PBX1: variants seen among roughly 807,000 people sequenced by gnomAD.
PBX1 encodes pre-B-cell leukemia transcription factor 1.
PBX1 carries 6 observed loss-of-function variants against 53.4 expected under a neutral mutation model. The ratio of observed to expected loss-of-function variants is 0.11; its 90% CI spans 0.06 to 0.22. The LOEUF is 0.22. PBX1 is among the 10% of genes least tolerant of loss of function. The pLI is 1.00. For missense variants in PBX1, 251 were observed against 551.4 expected (o/e 0.46, Z 5.46); for synonymous variants, 204 against 212.3 (o/e 0.96, Z 0.34).
At chr1:164,687,507 C>T (rs1662178634) in intron 2 of PBX1, among the ~76,000 whole-genome samples, 1 of 134,870 alleles carries the variant, frequency 7.4e-6, no homozygotes, top group South Asian at 2.3e-4. Flanking sequence ...GAGGCTGTAG[C>T]AAGTCATGAT....
rs376142084 is a variant in PBX1, at chr1:164,687,983, T to C, written c.266-104511T>C. Reference sequence around the variant, plus strand: ...ACCTATTTGAGACTCTGTTATGATATGCCCAAGATACCACACATGCCCTAG... The same window carrying C: ...ACCTATTTGAGACTCTGTTATGATACGCCCAAGATACCACACATGCCCTAG... On this transcript the variant is annotated intron_variant, in intron 2 of 8. Coordinates refer to ENST00000420696, the MANE Select transcript of PBX1 (RefSeq NM_002585.4). Among the ~76,000 whole-genome samples, 12 of 152,316 alleles carry C rather than the reference T, an allele frequency of 7.9e-5. 1 individual carries two copies. The East Asian group carries it at 1.4e-3, about 17-fold the overall frequency.
chr1:164,598,747 C>T (rs1655941797), intron 2 of PBX1, among the ~76,000 whole-genome samples: 1 of 152,170 alleles, frequency 6.6e-6, no homozygotes, highest in African/African-American at 2.4e-5. Context: ...CCTGGGCAGC[C>T]AAATTTTTCA....
rs143669661 is a variant in PBX1, at chr1:164,791,981, C to T, written c.266-513C>T. On this transcript the variant is annotated intron_variant, in intron 2 of 8. Coordinates refer to ENST00000420696, the MANE Select transcript of PBX1 (RefSeq NM_002585.4). Reference sequence around the variant, plus strand: ...CTGGGACTACAGGCACGCACCACCACGCCTGGCTAATTTTTTGTATTTTAG... The same window carrying T: ...CTGGGACTACAGGCACGCACCACCATGCCTGGCTAATTTTTTGTATTTTAG... 8.1e-3 allele frequency among the ~76,000 whole-genome samples: 1,238 copies of T among 152,076 alleles called. 14 individuals carry two copies. Among genetic ancestry groups the T allele is most frequent in the African/African-American group, 0.029 (1,188 of 41,468 alleles).
At chr1:164,680,813 A>AT (rs1335139144) in intron 2 of PBX1, 1 of 152,150 alleles carries the variant, frequency 6.6e-6, no homozygotes, top group Non-Finnish European at 1.5e-5. Flanking sequence ...TTGAAGACTT[A>AT]TTTTTTACCT....
intron 2 of PBX1, among the ~76,000 whole-genome samples, chr1:164,763,033 G>C (rs1666888185): frequency 6.6e-6 from 1 of 152,124 alleles, no homozygotes; most frequent in Non-Finnish European, 1.5e-5. Context: ...TAAAGGGATA[G>C]CTTTTATTTT....
chr1:164,845,772 T>A (rs182498788), intron 8 of PBX1, among the ~76,000 whole-genome samples: 5 of 152,142 alleles, frequency 3.3e-5, no homozygotes, highest in Non-Finnish European at 5.9e-5. Flanking sequence ...TACCTTCCCG[T>A]CTCACCACCT....
rs192891066 is a variant in PBX1, at chr1:164,574,337, C to G, written c.265+11026C>G. 3.8e-4 allele frequency among the ~76,000 whole-genome samples: 58 copies of G among 152,282 alleles called. 1 individual carries two copies. Among genetic ancestry groups the G allele is most frequent in the African/African-American group, 1.3e-3 (56 of 41,576 alleles). ...CCCTCTGCAGCCTCACACTGACTAC[C>G]TCTGTGGTAGCATATTATTTTGAGA... On this transcript the variant is annotated intron_variant, in intron 2 of 8. Coordinates refer to ENST00000420696, the MANE Select transcript of PBX1 (RefSeq NM_002585.4).
intron 2 of PBX1, among the ~76,000 whole-genome samples, chr1:164,730,002 C>T (rs1229663775): frequency 1.3e-5 from 2 of 152,160 alleles, no homozygotes; most frequent in African/African-American, 4.8e-5. Flanking sequence ...AGTTTCTAAA[C>T]CTGCCCCAGT....
chr1:164,802,116 T>A (rs1247733742), intron 4 of PBX1, among the ~76,000 whole-genome samples: 1 of 152,276 alleles, frequency 6.6e-6, no homozygotes, highest in Non-Finnish European at 1.5e-5. Context: ...GGATTAGTCT[T>A]TGTAATCTAA....
intron 2 of PBX1, among the ~76,000 whole-genome samples, chr1:164,764,019 A>G (rs1666935475): frequency 6.6e-6 from 1 of 152,234 alleles, no homozygotes; most frequent in African/African-American, 2.4e-5. Context: ...GCCAGTGGTC[A>G]GGGAACCTAA....
chr1:164,792,472 C>T (rs1668563977), intron 2 of PBX1, 22 bp from the exon 3 acceptor site: 1 of 1,612,450 alleles, frequency 6.2e-7, no homozygotes, highest in South Asian at 1.1e-5. Flanking sequence ...ATTAACGCTC[C>T]CTTCCCTGTC....
chr1:164,619,499 C>G lies in PBX1; in HGVS notation c.265+56188C>G, dbSNP rs1657529803. The stretch of plus-strand genomic sequence containing the variant: ...GAGTGCTCAAGGAGAGGAAAATGAC[C>G]TATACAAGGCAGTGGGTGCTTTCTT... On this transcript the variant is annotated intron_variant, in intron 2 of 8. Coordinates refer to ENST00000420696, the MANE Select transcript of PBX1 (RefSeq NM_002585.4). Among the ~76,000 whole-genome samples the G allele has an allele frequency of 3.3e-5, 5 of 152,050 alleles. No individual in the cohort carries two copies. The South Asian group carries it at 1.0e-3, about 32-fold the overall frequency.
At chr1:164,764,627 C>A (rs1161955834) in intron 2 of PBX1, among the ~76,000 whole-genome samples, 4 of 152,154 alleles carry the variant, frequency 2.6e-5, no homozygotes, top group African/African-American at 7.2e-5. Context: ...TATTTTGTTA[C>A]ATTTTCAGCT....
chr1:164,619,697 T>C (rs914832928), intron 2 of PBX1, among the ~76,000 whole-genome samples: 88 of 152,032 alleles, frequency 5.8e-4, no homozygotes, highest in African/African-American at 1.8e-3. Context: ...ATTTTTTTTT[T>C]CCCCATGGAA....
At chr1:164,625,960 C>G in intron 2 of PBX1, 1 of 1,039,256 alleles carries the variant, frequency 9.6e-7, no homozygotes, top group Non-Finnish European at 1.2e-6. Context: ...GGAACTGCCC[C>G]TCATTGTTCT....
chr1:164,872,918 G>A (rs1055885988), intron 2 of PBX1, among the ~76,000 whole-genome samples: 6 of 152,124 alleles, frequency 3.9e-5, no homozygotes, highest in Admixed American at 3.3e-4. Flanking sequence ...CTCATTACTC[G>A]CAGACAATGT....
intron 2 of PBX1, among the ~76,000 whole-genome samples, chr1:164,751,581 CTTT>C (rs1231289371): frequency 8.0e-5 from 11 of 138,000 alleles, no homozygotes; most frequent in Admixed American, 7.4e-5. Context: ...TATTGCCCCC[CTTT>C]TTTTTTTTTT....
intron 2 of PBX1, among the ~76,000 whole-genome samples, chr1:164,773,495 G>A (rs1422745514): frequency 6.6e-6 from 1 of 151,172 alleles, no homozygotes; most frequent in Non-Finnish European, 1.5e-5. Context: ...GGCAGTTTTG[G>A]CCTTAAGAGT....
At chr1:164,592,357 A>G (rs1265219430) in intron 2 of PBX1, among the ~76,000 whole-genome samples, 1 of 152,212 alleles carries the variant, frequency 6.6e-6, no homozygotes, top group African/African-American at 2.4e-5. Flanking sequence ...TTTAAGGGAA[A>G]TCACAAAGCA....
Sources: allele counts gnomAD v4.1 joint callset (sites outside exome capture counted in the v4.1 genomes callset), GRCh38; gene constraint gnomAD v4.1.1; transcripts MANE v1.5; gene names NCBI Gene and HGNC (gene_info 2026-07-23, HGNC 2026-07-21).